TAFA4: variants seen among roughly 807,000 people sequenced by gnomAD.
TAFA4 encodes chemokine-like protein TAFA-4.
A neutral mutation model predicts 21.1 loss-of-function variants in TAFA4; 20 were observed. That is an observed-to-expected ratio of 0.95 (90% CI 0.67 to 1.38). TAFA4 has a LOEUF of 1.38. Ranked by LOEUF, TAFA4 falls within the 40% of genes most tolerant of loss-of-function variation. The pLI, the probability that TAFA4 is intolerant of heterozygous loss-of-function variation, is 0.00. For missense variants in TAFA4, 211 were observed against 180.9 expected (o/e 1.17, Z -0.95); for synonymous variants, 71 against 67.4 (o/e 1.05, Z -0.26).
chr3:68,738,245 G>T (rs1702279155), intron 5 of TAFA4, among the ~76,000 whole-genome samples: 1 of 152,152 alleles, frequency 6.6e-6, no homozygotes, highest in Non-Finnish European at 1.5e-5. Context: ...ACTGACAAAA[G>T]GCCAGGATGT....
intron 1 of TAFA4, among the ~76,000 whole-genome samples, chr3:68,906,054 T>C (rs1455409214): frequency 1.3e-5 from 2 of 152,140 alleles, no homozygotes; most frequent in African/African-American, 2.4e-5. Flanking sequence ...TAAATTCCCA[T>C]CTGAGGAAGA....
At chr3:68,857,589 T>G (rs6806205) in intron 3 of TAFA4, among the ~76,000 whole-genome samples, 70,881 of 151,894 alleles carry the variant, frequency 0.47, 17,218 homozygotes, top group African/African-American at 0.56. Flanking sequence ...GATACATGTA[T>G]AAATACATTG....
intron 3 of TAFA4, among the ~76,000 whole-genome samples, chr3:68,846,179 A>C (rs137897122): frequency 6.6e-6 from 1 of 152,108 alleles, no homozygotes; most frequent in African/African-American, 2.4e-5. Flanking sequence ...TTCTTCTCAC[A>C]TAGTCCCAGA....
chr3:68,851,388 G>A lies in TAFA4; in HGVS notation c.130+29342C>T, dbSNP rs145405504. 4.3e-4 allele frequency among the ~76,000 whole-genome samples: 65 copies of A among 152,234 alleles called. No homozygotes were observed. In the East Asian group the frequency reaches 0.011, roughly 25 times the overall value. ...ACATTAGGAAAAATAGCTAATGCAT[G>A]CTGGACTTAATACCTAGGTGATGGG... On this transcript the variant is annotated intron_variant, in intron 3 of 5. Transcript: ENST00000295569.
intron 3 of TAFA4, among the ~76,000 whole-genome samples, chr3:68,794,525 C>G (rs536579377): frequency 5.3e-5 from 8 of 152,276 alleles, no homozygotes; most frequent in African/African-American, 1.7e-4. Flanking sequence ...AGCTGCTCAG[C>G]TCTCCCCTCT....
chr3:68,906,360 T>C (rs2089900977), intron 1 of TAFA4, among the ~76,000 whole-genome samples: 1 of 152,220 alleles, frequency 6.6e-6, no homozygotes. Context: ...TCTTTTACTC[T>C]TGAGGGACTC....
At chr3:68,830,761 T>G (rs1311261196) in intron 3 of TAFA4, among the ~76,000 whole-genome samples, 2 of 152,210 alleles carry the variant, frequency 1.3e-5, no homozygotes, top group Admixed American at 1.3e-4. Flanking sequence ...TTCTGTCTCG[T>G]TGATCTGTCT....
intron 3 of TAFA4, among the ~76,000 whole-genome samples, chr3:68,868,192 G>A (rs1047322859): frequency 6.6e-6 from 1 of 152,068 alleles, no homozygotes; most frequent in Non-Finnish European, 1.5e-5. Flanking sequence ...AAGAGCAGGA[G>A]TAGCTAACCT....
Position 68,790,840 on chromosome 3 carries a change from C to A in TAFA4, c.131-37822G>T, listed in dbSNP as rs77741983. On this transcript the variant is annotated intron_variant, in intron 3 of 5. Coordinates refer to ENST00000295569, the MANE Select transcript of TAFA4 (RefSeq NM_182522.5). ...AAGGAAGCAAGTCTCAGGAACCCTA[C>A]TTTGGCCATTTTTGCTCTCTGGCCC... Among the ~76,000 whole-genome samples, 999 of 152,312 alleles carry A rather than the reference C, an allele frequency of 6.6e-3. 11 individuals are homozygous for A. The highest frequency in any genetic ancestry group is 0.022 in the African/African-American group (923 of 41,564).
intron 3 of TAFA4, among the ~76,000 whole-genome samples, chr3:68,822,039 G>A (rs1407862019): frequency 1.3e-5 from 2 of 152,108 alleles, no homozygotes; most frequent in African/African-American, 4.8e-5. Flanking sequence ...TATTATGCTT[G>A]CTCTTTTTAT....
At chr3:68,743,109 C>T (rs1162775992) in intron 4 of TAFA4, among the ~76,000 whole-genome samples, 1 of 152,154 alleles carries the variant, frequency 6.6e-6, no homozygotes, top group African/African-American at 2.4e-5. Flanking sequence ...TAGTGATATC[C>T]ATCAAAACAA....
chr3:68,828,738 ACT>A (rs1704311731), intron 3 of TAFA4, among the ~76,000 whole-genome samples: 1 of 151,994 alleles, frequency 6.6e-6, no homozygotes, highest in African/African-American at 2.4e-5. Flanking sequence ...GTATCCTGAG[ACT>A]CTGCTGAAGT....
intron 3 of TAFA4, among the ~76,000 whole-genome samples, chr3:68,776,225 G>A (rs1199167945): frequency 6.6e-6 from 1 of 152,008 alleles, no homozygotes; most frequent in African/African-American, 2.4e-5. Context: ...TTAAAAGGTA[G>A]AGACCGTCAG....
At chr3:68,773,574 T>C (rs1702997157) in intron 3 of TAFA4, among the ~76,000 whole-genome samples, 1 of 152,178 alleles carries the variant, frequency 6.6e-6, no homozygotes, top group African/African-American at 2.4e-5. Flanking sequence ...GTGCTTGGTC[T>C]TTCTGATGAC....
At chr3:68,916,638 T>A (rs906148234) in intron 1 of TAFA4, among the ~76,000 whole-genome samples, 5 of 152,236 alleles carry the variant, frequency 3.3e-5, no homozygotes, top group African/African-American at 1.2e-4. Context: ...AAAAATGTTG[T>A]TCTTTTTGCA....
At chr3:68,830,801 C>T (rs919356995) in intron 3 of TAFA4, among the ~76,000 whole-genome samples, 1 of 152,088 alleles carries the variant, frequency 6.6e-6, no homozygotes, top group African/African-American at 2.4e-5. Flanking sequence ...TAAAGTCTCC[C>T]ATTATTATTG....
At position 68,797,157 on chromosome 3, in the gene TAFA4, A is replaced by G. The variant is rs139044414; in HGVS notation, c.131-44139T>C. The stretch of plus-strand genomic sequence containing the variant: ...TAATCCCACTTCTGGATATATATCC[A>G]AAAGAATTGAAGTCAAGGACCTGAA... On this transcript the variant is annotated intron_variant, in intron 3 of 5. Transcript: ENST00000295569. 7.0e-3 allele frequency among the ~76,000 whole-genome samples: 1,070 copies of G among 152,322 alleles called. 14 individuals are homozygous for G. Among genetic ancestry groups the G allele is most frequent in the African/African-American group, 0.024 (996 of 41,576 alleles).
At chr3:68,858,278 G>A (rs1705116516) in intron 3 of TAFA4, among the ~76,000 whole-genome samples, 1 of 152,046 alleles carries the variant, frequency 6.6e-6, no homozygotes, top group African/African-American at 2.4e-5. Context: ...ATCCCCTCAA[G>A]TCTCTCTGCT....
intron 1 of TAFA4, among the ~76,000 whole-genome samples, chr3:68,919,390 CAA>C (rs2090035637): frequency 6.6e-6 from 1 of 152,118 alleles, no homozygotes; most frequent in African/African-American, 2.4e-5. Flanking sequence ...ATTTTCAGCT[CAA>C]GAGTCTCGAG....
Sources: gnomAD v4.1 joint callset for allele counts (sites outside exome capture counted in the v4.1 genomes callset) on GRCh38, gnomAD v4.1.1 for gene constraint, MANE v1.5 for transcripts, NCBI Gene and HGNC (gene_info 2026-07-23, HGNC 2026-07-21) for gene names.